USH1C: variants seen among roughly 807,000 people sequenced by gnomAD.
USH1C encodes the protein harmonin.
A neutral mutation model predicts 119.3 loss-of-function variants in USH1C; 90 were observed. That is an observed-to-expected ratio of 0.75 (90% confidence interval 0.64 to 0.90). The LOEUF (loss-of-function observed/expected upper bound fraction) is 0.90, where lower values mean the gene tolerates loss of function less well. Among genes scored for constraint, USH1C ranks in the 40% least tolerant of loss-of-function variants. USH1C has a pLI of 0.00. For missense variants in USH1C, 1,165 were observed against 1,167.7 expected (o/e 1.00, Z 0.03); for synonymous variants, 465 against 443.3 (o/e 1.05, Z -0.62).
At chr11:17,542,854 C>T (rs1851523141) in intron 1 of USH1C, among the ~76,000 whole-genome samples, 1 of 152,216 alleles carries the variant, frequency 6.6e-6, no homozygotes, top group Admixed American at 6.5e-5. Context: ...ACAGTGAATG[C>T]TCTCTCAAGC....
chr11:17,511,494 T>A (rs1591982420), intron 16 of USH1C, among the ~76,000 whole-genome samples: 1 of 152,076 alleles, frequency 6.6e-6, no homozygotes, highest in East Asian at 1.9e-4. Flanking sequence ...ACACCTGAGA[T>A]GGAGAGGCCC....
At chr11:17,500,131 G>T (rs754108166) in intron 23 of USH1C, among the ~76,000 whole-genome samples, 1 of 152,224 alleles carries the variant, frequency 6.6e-6, no homozygotes, top group Non-Finnish European at 1.5e-5. Context: ...GTCTGCAAAG[G>T]TTTCACTCAT....
chr11:17,506,073 A>G lies in USH1C; in HGVS notation c.2014-124T>C, dbSNP rs893829241. The G allele has an allele frequency of 2.2e-5, 31 of 1,402,018 alleles. 1 individual carries two copies. In the South Asian group the frequency reaches 3.4e-4, roughly 15 times the overall value. The allele number at this position is 1,402,018 out of a possible 1,614,324, so 86.8% of individuals were successfully genotyped here. On this transcript the variant is annotated intron_variant, in intron 18 of 26. Transcript: ENST00000005226. ...TATGTGAAGCCAGCCTGGTCATTCA[A>G]CTGCTCGAGGTCCTGGGGTTGTGAT...
At chr11:17,506,105 C>A (rs567302936) in intron 18 of USH1C, among the ~76,000 whole-genome samples, 156 bp from the exon 19 acceptor site, 8 of 152,342 alleles carry the variant, frequency 5.3e-5, no homozygotes, top group African/African-American at 1.7e-4. Flanking sequence ...TGATCCTCAG[C>A]AGAGAGATGA....
At position 17,493,999 on chromosome 11, in the gene USH1C, G is replaced by C. The variant is rs1364208806; in HGVS notation, c.*333C>G. 2 of 420,934 alleles carry C rather than the reference G, an allele frequency of 4.8e-6. No homozygotes were observed. The highest frequency in any genetic ancestry group is 7.0e-5 in the Admixed American group (2 of 28,664). 26.1% of individuals were successfully genotyped at this position (420,934 alleles called of 1,614,324 possible). A position where few individuals can be genotyped will look rare whatever the true frequency, so the allele number is the denominator to read the frequency against. The stretch of plus-strand genomic sequence containing the variant: ...AGGGCAGAGGAGAGGGATGGAGAGA[G>C]AGAGACTCCAGTGGGGTCTTATTAG... On this transcript the variant is annotated 3_prime_UTR_variant, in exon 27 of 27. Transcript: ENST00000005226.
intron 14 of USH1C, 61 bp downstream of exon 14, chr11:17,520,809 A>T: frequency 6.2e-7 from 1 of 1,600,088 alleles, no homozygotes; most frequent in African/African-American, 1.3e-5. Flanking sequence ...TGGTGAGGGG[A>T]GGGAGGGCCA....
At position 17,509,413 on chromosome 11, in the gene USH1C, G is replaced by C. The variant is rs773963339; in HGVS notation, c.1956C>G (p.His652Gln). ...NPVEDWEAKN[H>Q]SGKPTNSPVP... The stretch of plus-strand genomic sequence containing the variant: ...CAGGGGAGTTAGTGGGCTTCCCACT[G>C]TGGTTCTTTGCCTCCCAGTCCTCCA... The change falls in exon 18 of 27, where the codon CAC becomes CAG. Residue 652 changes from histidine to glutamine, a missense_variant. By Grantham distance (24) the His-to-Gln change is conservative. Coordinates refer to ENST00000005226, the MANE Select transcript of USH1C (RefSeq NM_153676.4). 3 of 1,604,756 alleles carry C rather than the reference G, an allele frequency of 1.9e-6. No homozygotes were observed. Among genetic ancestry groups the C allele is most frequent in the South Asian group, 2.2e-5 (2 of 89,942 alleles).
intron 13 of USH1C, 110 bp from the exon 14 acceptor site, chr11:17,521,104 A>G: frequency 6.9e-7 from 1 of 1,451,430 alleles, no homozygotes; most frequent in Non-Finnish European, 9.6e-7. Flanking sequence ...GGTTCTAGTC[A>G]TGATGAATCA....
chr11:17,514,880 A>G (rs1225560793), intron 15 of USH1C, among the ~76,000 whole-genome samples: 1 of 152,042 alleles, frequency 6.6e-6, no homozygotes, highest in Non-Finnish European at 1.5e-5. Context: ...GAATAGGGGA[A>G]AGGCAACCCT....
chr11:17,503,768 C>T (rs1849534409), intron 20 of USH1C, among the ~76,000 whole-genome samples: 1 of 152,246 alleles, frequency 6.6e-6, no homozygotes, highest in African/African-American at 2.4e-5. Context: ...TTTCAAATCT[C>T]TCTGCCTCAG....
chr11:17,522,710 C>A, intron 12 of USH1C, 74 bp downstream of exon 12: 9 of 1,606,094 alleles, frequency 5.6e-6, no homozygotes, highest in Non-Finnish European at 7.7e-6. Flanking sequence ...ACACAGCGGG[C>A]AGGAAGCAAG....
intron 15 of USH1C, among the ~76,000 whole-genome samples, chr11:17,515,336 A>T: frequency 6.6e-6 from 1 of 152,246 alleles, no homozygotes; most frequent in Admixed American, 6.5e-5. Context: ...TGTCAGGAAA[A>T]ATATTACTGT....
At chr11:17,514,175 G>A (rs985943031) in intron 15 of USH1C, among the ~76,000 whole-genome samples, 24 of 152,222 alleles carry the variant, frequency 1.6e-4, no homozygotes, top group African/African-American at 5.8e-4. Context: ...GCCCCAGAGG[G>A]ATTTACTGCC....
Position 17,496,798 on chromosome 11 carries a change from C to T in USH1C, c.2506G>A (p.Val836Met). ...TCCTTTGGGGGGCAGACGGCAACCA[C>T]AAGGTCGATCCAGTCCTGTGGGGAG... is the stretch of plus-strand genomic sequence containing the variant. ...WNQGGDWIDL[V>M]VAVCPPKEYD... is the part of the protein sequence containing the mutation. Residue 836 changes from valine (V) to methionine (M), a missense_variant, in exon 25 of 27, where the codon GTG (valine) becomes ATG (methionine). Physicochemically the swap from Val to Met is conservative, Grantham distance 21. Transcript: ENST00000005226. The T allele has an allele frequency of 6.2e-7, 1 of 1,614,218 alleles. No individual in the cohort carries two copies. The highest frequency in any genetic ancestry group is 8.5e-7 in the Non-Finnish European group (1 of 1,180,024).
rs953438071 is a variant in USH1C, at chr11:17,498,266, T to C, written c.2386A>G (p.Ile796Val). The C allele has an allele frequency of 1.2e-6, 2 of 1,614,126 alleles. No homozygotes were observed. The highest frequency in any genetic ancestry group is 4.5e-5 in the East Asian group (2 of 44,878). The change falls in exon 24 of 27, where the codon ATT becomes GTT. Residue 796 changes from isoleucine to valine, a missense_variant. By Grantham distance (29) the Ile-to-Val change is conservative. Coordinates refer to ENST00000005226, the MANE Select transcript of USH1C (RefSeq NM_153676.4). ...ERGAAERHGGIVKGDEIMAIN... is the reference protein window; with the variant it reads ...ERGAAERHGGVVKGDEIMAIN... ...GCCATGATCTCGTCCCCTTTCACAA[T>C]GCCACCTGCAGGCAGATGAGGCTGA...
intron 20 of USH1C, 145 bp downstream of exon 20, chr11:17,504,502 A>G: frequency 2.3e-6 from 2 of 873,570 alleles, no homozygotes; most frequent in Non-Finnish European, 3.8e-6. Flanking sequence ...CAGGCAATGG[A>G]GGACACAGCT....
At chr11:17,533,883 T>C (rs1851112978) in intron 1 of USH1C, 1 of 383,764 alleles carries the variant, frequency 2.6e-6, no homozygotes, top group Non-Finnish European at 5.4e-6. Context: ...CTGGGTTCTG[T>C]CCACTAGTCA....
intron 5 of USH1C, 84 bp from the exon 6 acceptor site, chr11:17,527,124 G>GCCCT: frequency 3.3e-6 from 2 of 604,352 alleles, no homozygotes; most frequent in Non-Finnish European, 3.9e-6. Flanking sequence ...CTGCTCCCCC[G>GCCCT]CCCTCCCTCC....
chr11:17,505,767 C>A, intron 19 of USH1C, 63 bp downstream of exon 19: 1 of 1,611,068 alleles, frequency 6.2e-7, no homozygotes, highest in Non-Finnish European at 8.5e-7. Context: ...ACAGCAGAGC[C>A]CAGGGGAGGT....
Sources: allele counts gnomAD v4.1 joint callset (sites outside exome capture counted in the v4.1 genomes callset), GRCh38; gene constraint gnomAD v4.1.1; transcripts MANE v1.5; gene names NCBI Gene and HGNC (gene_info 2026-07-23, HGNC 2026-07-21).